Variants in MATN2 observed in about 807,000 individuals in gnomAD.
MATN2 encodes the protein matrilin-2.
MATN2 carries 69 observed loss-of-function variants against 103.2 expected under a neutral mutation model. The observed-to-expected ratio is 0.67, with a 90% CI of 0.55 to 0.82. The LOEUF (loss-of-function observed/expected upper bound fraction) is 0.82. MATN2 is among the 40% of genes least tolerant of loss of function. MATN2 has a pLI of 0.00. For synonymous variants in MATN2, 429 were observed against 450.2 expected, an observed-to-expected ratio of 0.95 and a Z score of 0.60; for missense variants, 1,023 against 1,211.5, an observed-to-expected ratio of 0.84 and a Z score of 2.31.
At chr8:97,905,742 A>G (rs548739777) in intron 2 of MATN2, among the ~76,000 whole-genome samples, 32 of 152,208 alleles carry the variant, frequency 2.1e-4, no homozygotes, top group African/African-American at 7.0e-4. Context: ...GGCTCACTGC[A>G]ACCTTGACTT....
chr8:97,923,040 G>A (rs891094859), intron 2 of MATN2, among the ~76,000 whole-genome samples: 2 of 152,120 alleles, frequency 1.3e-5, no homozygotes, highest in Non-Finnish European at 2.9e-5. Context: ...AGGGTCAGTC[G>A]TTTGCCTTGC....
intron 3 of MATN2, among the ~76,000 whole-genome samples, chr8:97,935,192 G>T (rs927928036): frequency 1.3e-5 from 2 of 152,046 alleles, no homozygotes; most frequent in African/African-American, 4.8e-5. Context: ...CCAAGTAGCT[G>T]GGACTACATG....
intron 3 of MATN2, among the ~76,000 whole-genome samples, chr8:97,936,394 G>A (rs961564289): frequency 6.6e-6 from 1 of 152,020 alleles, no homozygotes; most frequent in Non-Finnish European, 1.5e-5. Context: ...GGCCCTAATA[G>A]TATTCCTAGG....
At chr8:98,014,086 C>T (rs543167398) in intron 10 of MATN2, among the ~76,000 whole-genome samples, 26 of 151,962 alleles carry the variant, frequency 1.7e-4, no homozygotes, top group African/African-American at 5.8e-4. Context: ...CCAGCCTGGG[C>T]GACAGAGCAA....
At chr8:97,877,191 G>C (rs35754315) in intron 1 of MATN2, among the ~76,000 whole-genome samples, 316 of 151,746 alleles carry the variant, frequency 2.1e-3, no homozygotes, top group Non-Finnish European at 3.3e-3. Flanking sequence ...AAAATTTTTT[G>C]GGGGGGCCAG....
At chr8:97,888,267 A>T (rs1248705232) in intron 2 of MATN2, 25 bp downstream of exon 2, 2 of 1,506,950 alleles carry the variant, frequency 1.3e-6, no homozygotes, top group African/African-American at 2.8e-5. Flanking sequence ...TCACCCCCAA[A>T]AGTGGGCAGG....
At chr8:97,946,976 A>C (rs1374852009) in intron 4 of MATN2, among the ~76,000 whole-genome samples, 1 of 152,240 alleles carries the variant, frequency 6.6e-6, no homozygotes, top group Non-Finnish European at 1.5e-5. Flanking sequence ...AAATTTAGCA[A>C]ATAGAATTCA....
chr8:97,919,264 G>T (rs762501604), intron 2 of MATN2, among the ~76,000 whole-genome samples: 4 of 152,166 alleles, frequency 2.6e-5, no homozygotes, highest in Non-Finnish European at 5.9e-5. Flanking sequence ...CTGATTCCCT[G>T]GGTCTAGGGT....
Position 98,030,454 on chromosome 8 carries a change from C to A in MATN2, c.2357-8C>A. ...ACTAACTTGCTCTTAATTTTTCCTG[C>A]ACCCTAGGTATCACTATGTATGCTG... On this transcript the variant is annotated splice_region_variant and splice_polypyrimidine_tract_variant and intron_variant, in intron 14 of 18. Transcript: ENST00000254898. The A allele has an allele frequency of 1.2e-6, 2 of 1,608,906 alleles. No individual in the cohort carries two copies. Among genetic ancestry groups the A allele is most frequent in the African/African-American group, 1.3e-5 (1 of 74,762 alleles).
chr8:97,893,830 G>A (rs533561850), intron 2 of MATN2, among the ~76,000 whole-genome samples: 3 of 152,116 alleles, frequency 2.0e-5, no homozygotes, highest in South Asian at 2.1e-4. Flanking sequence ...GGCGTGAGCC[G>A]CCGCACCCGG....
chr8:97,955,166 C>A (rs1811103034), intron 4 of MATN2, among the ~76,000 whole-genome samples: 1 of 148,426 alleles, frequency 6.7e-6, no homozygotes, highest in South Asian at 2.4e-4. Flanking sequence ...GGTCTTGTAG[C>A]CCCCTTGACC....
intron 2 of MATN2, among the ~76,000 whole-genome samples, chr8:97,917,989 T>C (rs1476779367): frequency 1.3e-5 from 2 of 151,936 alleles, no homozygotes; most frequent in East Asian, 1.9e-4. Context: ...GGAGGCTACG[T>C]TGGGAGGATC....
At chr8:98,013,515 G>A (rs1813247522) in intron 10 of MATN2, among the ~76,000 whole-genome samples, 1 of 152,164 alleles carries the variant, frequency 6.6e-6, no homozygotes. Flanking sequence ...GATCTGTTAG[G>A]TGCCAGGCAT....
intron 5 of MATN2, among the ~76,000 whole-genome samples, chr8:97,966,353 C>T (rs572572132): frequency 6.6e-6 from 1 of 151,560 alleles, no homozygotes; most frequent in East Asian, 2.0e-4. Flanking sequence ...ACCAGGAGTT[C>T]TAGACAGGCC....
intron 2 of MATN2, among the ~76,000 whole-genome samples, chr8:97,892,601 A>C (rs954436751): frequency 2.0e-5 from 3 of 152,186 alleles, no homozygotes; most frequent in Non-Finnish European, 4.4e-5. Flanking sequence ...AGAGCATTTA[A>C]ATAGCCTTTT....
At chr8:97,876,482 C>T (rs972250986) in intron 1 of MATN2, among the ~76,000 whole-genome samples, 61 of 152,192 alleles carry the variant, frequency 4.0e-4, no homozygotes, top group African/African-American at 1.4e-3. Flanking sequence ...AGCCACCGCG[C>T]CTGGACAATT....
At chr8:97,887,581 A>G (rs1268255120) in intron 1 of MATN2, among the ~76,000 whole-genome samples, 1 of 152,242 alleles carries the variant, frequency 6.6e-6, no homozygotes, top group Non-Finnish European at 1.5e-5. Flanking sequence ...TGTGGGAGAC[A>G]GGGAGGCTGG....
chr8:97,977,681 C>A (rs1444494442), intron 5 of MATN2, among the ~76,000 whole-genome samples: 1 of 152,142 alleles, frequency 6.6e-6, no homozygotes, highest in African/African-American at 2.4e-5. Context: ...CTCATTCAGA[C>A]TAAAAGCTGA....
intron 4 of MATN2, among the ~76,000 whole-genome samples, chr8:97,958,463 AACAC>A (rs1322918297): frequency 6.6e-6 from 1 of 152,210 alleles, no homozygotes; most frequent in Non-Finnish European, 1.5e-5. Context: ...TCGCTCTATA[AACAC>A]ATACGTAGTT....
Sources: gnomAD v4.1 joint callset for allele counts (sites outside exome capture counted in the v4.1 genomes callset) on GRCh38, gnomAD v4.1.1 for gene constraint, MANE v1.5 for transcripts, NCBI Gene and HGNC (gene_info 2026-07-23, HGNC 2026-07-21) for gene names.